MZT2A: variants seen among roughly 807,000 people sequenced by gnomAD.
The protein encoded by MZT2A is mitotic spindle organizing protein 2A.
In MZT2A, 8 loss-of-function variants were observed where a neutral mutation model predicts 12.4. The ratio of observed to expected loss-of-function variants is 0.64; its 90% CI spans 0.38 to 1.16. The LOEUF (loss-of-function observed/expected upper bound fraction) is 1.16, where lower values mean the gene tolerates loss of function less well. Ranked by LOEUF, MZT2A falls within the 50% of genes most tolerant of loss-of-function variation. The pLI, the probability that MZT2A is intolerant of heterozygous loss-of-function variation, is 0.01. For synonymous variants in MZT2A, 88 were observed against 107.5 expected, an observed-to-expected ratio of 0.82 and a Z score of 1.12; for missense variants, 181 against 223.6, an observed-to-expected ratio of 0.81 and a Z score of 1.22.
At chr2:131,470,575 C>T (rs1431790498) in intron 3 of MZT2A, among the ~76,000 whole-genome samples, 3 of 152,246 alleles carry the variant, frequency 2.0e-5, no homozygotes, top group South Asian at 2.1e-4. Context: ...AACCCCACAC[C>T]AAGAAAGACC....
At chr2:131,478,642 G>A (rs573158254) in intron 2 of MZT2A, 13 of 700,646 alleles carry the variant, frequency 1.9e-5, no homozygotes, top group African/African-American at 7.2e-5. Context: ...AGATTCCCTC[G>A]TGCGTGCCTC....
At chr2:131,492,875 A>G (rs1679405857), upstream of MZT2A, 12 of 1,494,722 alleles carry the variant, frequency 8.0e-6, no homozygotes, top group South Asian at 2.4e-5. Flanking sequence ...TTGGGGCGCC[A>G]GAGGCCGCCA....
At chr2:131,482,872 C>T (rs1216643782), downstream of MZT2A, 1 of 1,601,812 alleles carries the variant, frequency 6.2e-7, no homozygotes, top group East Asian at 2.2e-5. Flanking sequence ...TGGGTTCTCC[C>T]CTGCCACCCC....
downstream of MZT2A, among the ~76,000 whole-genome samples, chr2:131,481,821 C>G (rs1210259612): frequency 1.3e-5 from 2 of 152,230 alleles, no homozygotes; most frequent in African/African-American, 2.4e-5. Context: ...GCCCACCTGT[C>G]TCCCAAAGTG....
intron 3 of MZT2A, chr2:131,472,051 A>G (rs1489501966): frequency 1.6e-6 from 2 of 1,288,520 alleles, no homozygotes; most frequent in African/African-American, 3.0e-5. Context: ...TTTCTCACCC[A>G]GAACCGAACT....
chr2:131,490,948 G>A, intron 2 of MZT2A: 2 of 1,549,396 alleles, frequency 1.3e-6, no homozygotes, highest in Admixed American at 2.0e-5. Context: ...CAGTGAAGAG[G>A]CCAGCACGCA....
chr2:131,492,507 C>T (rs1679382117), upstream of MZT2A: 6 of 1,109,884 alleles, frequency 5.4e-6, no homozygotes, highest in South Asian at 4.3e-5. Flanking sequence ...AGCGCGGGGA[C>T]GGGGCCGCCT....
At chr2:131,488,032 G>A (rs1319613139) in intron 2 of MZT2A, among the ~76,000 whole-genome samples, 1 of 152,170 alleles carries the variant, frequency 6.6e-6, no homozygotes, top group African/African-American at 2.4e-5. Context: ...CTCCCAAGGT[G>A]TGGTGGGTTT....
intron 2 of MZT2A, among the ~76,000 whole-genome samples, chr2:131,474,910 A>G (rs1239609182): frequency 6.6e-6 from 1 of 152,024 alleles, no homozygotes; most frequent in Non-Finnish European, 1.5e-5. Flanking sequence ...CTGCCAATAT[A>G]TTAAGACAAC....
chr2:131,471,099 G>C (rs1352446965), intron 3 of MZT2A, among the ~76,000 whole-genome samples: 1 of 138,228 alleles, frequency 7.2e-6, no homozygotes, highest in Non-Finnish European at 1.5e-5. Flanking sequence ...GACTAAGACT[G>C]GAAGTGACGA....
At chr2:131,493,229 A>C, upstream of MZT2A, 1 of 1,367,288 alleles carries the variant, frequency 7.3e-7, no homozygotes. Flanking sequence ...TTCCTCCGCG[A>C]GCCCCAGGAC....
At chr2:131,476,258 G>A (rs1678663925) in intron 2 of MZT2A, 2 of 1,613,274 alleles carry the variant, frequency 1.2e-6, no homozygotes, top group Admixed American at 1.7e-5. Context: ...AGTTGGCCTC[G>A]GGTGGACAGA....
chr2:131,490,120 G>T, intron 2 of MZT2A: 1 of 690,062 alleles, frequency 1.4e-6, no homozygotes, highest in African/African-American at 1.9e-5. Flanking sequence ...CTGTCAGGAG[G>T]CTCATGCAGG....
intron 2 of MZT2A, among the ~76,000 whole-genome samples, chr2:131,484,620 ATCC>A (rs1559355365): frequency 6.6e-6 from 1 of 152,186 alleles, no homozygotes; most frequent in Non-Finnish European, 1.5e-5. Context: ...GCGCTGCCTC[ATCC>A]TCAAGGTGTG....
chr2:131,492,624 G>T, upstream of MZT2A: 1 of 1,213,728 alleles, frequency 8.2e-7, no homozygotes, highest in Non-Finnish European at 1.0e-6. Context: ...GCTGCTTGGC[G>T]GTCAGGGCGT....
chr2:131,472,104 G>T (rs1242131879), exon 3 of MZT2A: 2 of 1,290,614 alleles, frequency 1.5e-6, no homozygotes, highest in South Asian at 2.5e-5. Context: ...ACACCATGCG[G>T]TGCTGCTTCT....
At position 131,484,280 on chromosome 2, in the gene MZT2A, G is replaced by A. The variant is rs988544863; in HGVS notation, c.320-62C>T. 5 of 1,587,024 alleles carry A rather than the reference G, an allele frequency of 3.2e-6. No homozygotes were observed. The African/African-American group carries it at 5.4e-5, about 17-fold the overall frequency. ...GCGCCCCATAAATGCAGCACCTGCT[G>A]TACTCGTGCTCCTTGGGCAACATTT... On this transcript the variant is annotated intron_variant, in intron 2 of 2. Transcript: ENST00000309451.
chr2:131,491,612 G>A (rs1679309742), intron 2 of MZT2A: 1 of 592,320 alleles, frequency 1.7e-6, no homozygotes, highest in South Asian at 2.1e-5. Context: ...GTGAAGAGGT[G>A]GGGAGGAGCT....
downstream of MZT2A, chr2:131,483,878 G>A: frequency 7.5e-7 from 1 of 1,335,100 alleles, no homozygotes; most frequent in Non-Finnish European, 9.7e-7. Context: ...TTAGTTCACT[G>A]TGGCACAACC....
Sources: allele counts gnomAD v4.1 joint callset (sites outside exome capture counted in the v4.1 genomes callset), GRCh38; gene constraint gnomAD v4.1.1; transcripts MANE v1.5; gene names NCBI Gene and HGNC (gene_info 2026-07-23, HGNC 2026-07-21).